The following LARP4B variants were observed in gnomAD, a reference collection of about 807,000 sequenced individuals.
LARP4B encodes the protein la-related protein 4B.
A neutral mutation model predicts 89.8 loss-of-function variants in LARP4B; 12 were observed. The ratio of observed to expected loss-of-function variants is 0.13; its 90% confidence interval spans 0.09 to 0.22. LARP4B has a LOEUF of 0.22. Ranked by LOEUF, LARP4B falls within the 10% of genes least tolerant of loss-of-function variation. The pLI is 1.00. For missense variants in LARP4B, 757 were observed against 947.7 expected (o/e 0.80, Z 2.64); for synonymous variants, 367 against 363.3 (o/e 1.01, Z -0.12).
At chr10:955,665 C>T in the LARP4B span, among the ~76,000 whole-genome samples, 1 of 152,140 alleles carries the variant, frequency 6.6e-6, no homozygotes, top group African/African-American at 2.4e-5. This position sits in a 1 kb window ranked among gnomAD's most constrained non-coding sequence, Gnocchi z 5.2. Context: ...TATTAAAGAG[C>T]TTTTCCGGGC....
intron 1 of LARP4B, among the ~76,000 whole-genome samples, chr10:893,166 G>A (rs961609549): frequency 8.6e-5 from 13 of 150,806 alleles, no homozygotes; most frequent in Non-Finnish European, 1.8e-4. Context: ...CACCCCCCTC[G>A]GCCTCCCAAA....
At position 926,559 on chromosome 10, in the gene LARP4B, G is replaced by A. The variant is rs368072551; in HGVS notation, c.-40+4869C>T. On this transcript the variant is annotated intron_variant, in intron 1 of 17. Coordinates refer to ENST00000316157, the MANE Select transcript of LARP4B (RefSeq NM_015155.3). Reference sequence around the variant, plus strand: ...CTGATGAGTTTCTGAAAAGAGGCCAGCCATCAGGCTATGCCACACTCTGGC... The same window carrying A: ...CTGATGAGTTTCTGAAAAGAGGCCAACCATCAGGCTATGCCACACTCTGGC... 1.3e-4 allele frequency among the ~76,000 whole-genome samples: 20 copies of A among 152,316 alleles called. No homozygotes were observed. In the East Asian group the frequency reaches 3.5e-3, roughly 26 times the overall value.
chr10:901,480 T>C (rs1836343738), intron 1 of LARP4B, among the ~76,000 whole-genome samples: 1 of 152,222 alleles, frequency 6.6e-6, no homozygotes, highest in Admixed American at 6.5e-5. Context: ...ATACACATCA[T>C]ATACTCAAGT....
At chr10:877,584 A>G (rs1835506595) in intron 3 of LARP4B, among the ~76,000 whole-genome samples, 1 of 152,192 alleles carries the variant, frequency 6.6e-6, no homozygotes, top group Admixed American at 6.5e-5. Context: ...TTGGGGATAA[A>G]TTACTTAAAC....
At chr10:981,633 C>G in the LARP4B span, among the ~76,000 whole-genome samples, 1 of 151,990 alleles carries the variant, frequency 6.6e-6, no homozygotes, top group African/African-American at 2.4e-5. Flanking sequence ...TGCAGTGGTA[C>G]GATCTCGGCT....
At chr10:984,550 A>G in the LARP4B span, among the ~76,000 whole-genome samples, 1 of 152,196 alleles carries the variant, frequency 6.6e-6, no homozygotes, top group African/African-American at 2.4e-5. Flanking sequence ...GTTCATTAGC[A>G]CAGGTGCCTG....
chr10:831,954 C>T (rs577628697), intron 8 of LARP4B, among the ~76,000 whole-genome samples: 1 of 152,292 alleles, frequency 6.6e-6, no homozygotes, highest in Non-Finnish European at 1.5e-5. Context: ...ACACATAACA[C>T]ATTTACTGCA....
the LARP4B span, chr10:987,724 T>A: frequency 6.6e-6 from 1 of 152,250 alleles, no homozygotes; most frequent in Admixed American, 6.5e-5. Context: ...AAAGGCTCCA[T>A]CCTCATCAAC....
At chr10:888,087 A>G (rs1564432102) in intron 1 of LARP4B, among the ~76,000 whole-genome samples, 1 of 152,068 alleles carries the variant, frequency 6.6e-6, no homozygotes, top group African/African-American at 2.4e-5. Context: ...TGGGAGGCCA[A>G]GGCAGGTGGA....
At chr10:886,374 T>A (rs1380754992) in intron 1 of LARP4B, among the ~76,000 whole-genome samples, 1 of 152,310 alleles carries the variant, frequency 6.6e-6, no homozygotes, top group East Asian at 1.9e-4. Context: ...TGTAAATTGG[T>A]GCGGCCATTA....
upstream of LARP4B, among the ~76,000 whole-genome samples, chr10:932,600 G>T (rs1830680405): frequency 1.8e-5 from 1 of 56,774 alleles, no homozygotes; most frequent in African/African-American, 7.2e-5. Context: ...CCCCGGCCCT[G>T]CCCCGAACGC....
intron 1 of LARP4B, among the ~76,000 whole-genome samples, chr10:923,073 CA>C (rs796560967): frequency 1.6e-4 from 23 of 139,418 alleles, no homozygotes; most frequent in East Asian, 1.0e-3. Context: ...GACTCCACCT[CA>C]AAAAAAAAAA....
At chr10:907,177 G>A (rs1214697933) in intron 1 of LARP4B, among the ~76,000 whole-genome samples, 1 of 152,144 alleles carries the variant, frequency 6.6e-6, no homozygotes, top group Non-Finnish European at 1.5e-5. Flanking sequence ...TCAGAAATAT[G>A]TCTACCCTGT....
At chr10:932,347 A>G (rs534786139), upstream of LARP4B, among the ~76,000 whole-genome samples, 1 of 116,304 alleles carries the variant, frequency 8.6e-6, no homozygotes, top group Admixed American at 8.6e-5. Flanking sequence ...CCCTGCCCCG[A>G]ACTCCCACCC....
At chr10:853,170 C>T (rs183334251) in intron 5 of LARP4B, among the ~76,000 whole-genome samples, 28 of 152,258 alleles carry the variant, frequency 1.8e-4, no homozygotes, top group Middle Eastern at 6.8e-3. Flanking sequence ...GCTATCACTA[C>T]CTAATTTCAA....
chr10:830,772 A>C (rs1832862840), intron 9 of LARP4B, 95 bp downstream of exon 9: 6 of 657,188 alleles, frequency 9.1e-6, no homozygotes, highest in South Asian at 1.8e-5. Context: ...TTACCATCAC[A>C]AGTAATCTCA....
the LARP4B span, among the ~76,000 whole-genome samples, chr10:969,952 T>C: frequency 6.6e-6 from 1 of 152,100 alleles, no homozygotes; most frequent in Non-Finnish European, 1.5e-5. Context: ...CAAGGGACCG[T>C]AAGCATTTCA....
At chr10:936,474 T>C (rs1282655891), upstream of LARP4B, among the ~76,000 whole-genome samples, 1 of 152,090 alleles carries the variant, frequency 6.6e-6, no homozygotes, top group Non-Finnish European at 1.5e-5. Context: ...AATCCCAGCA[T>C]GTTGGGAGGC....
chr10:829,532 G>A lies in LARP4B; in HGVS notation c.978C>T (p.Pro326=), dbSNP rs1318588111. Residue 326 remains proline, a synonymous_variant, in exon 11 of 18, where the codon CCC becomes CCT. Transcript: ENST00000316157. ...NTFLPKNGFR[P]LDVSLYAQQR... ...GCTGGGCATACAGGCTCACGTCCAG[G>A]GGTCTAAATCCATTCTTTGGCAAAA... 1.1e-5 allele frequency: 18 copies of A among 1,614,092 alleles called. No individual in the cohort carries two copies. The East Asian group carries it at 2.9e-4, about 26-fold the overall frequency.
Sources: gnomAD v4.1 joint callset for allele counts (sites outside exome capture counted in the v4.1 genomes callset) on GRCh38, gnomAD v4.1.1 for gene constraint, Gnocchi (gnomAD v3.1) non-coding constraint, MANE v1.5 for transcripts, NCBI Gene and HGNC (gene_info 2026-07-23, HGNC 2026-07-21) for gene names.